The following RSPRY1 variants were observed in gnomAD, a reference collection of about 807,000 sequenced individuals.
The protein encoded by RSPRY1 is ring finger and SPRY domain containing 1, also known as RING finger and SPRY domain-containing protein 1.
RSPRY1 carries 23 observed loss-of-function variants against 73.1 expected under a neutral mutation model. The observed-to-expected ratio is 0.31, with a 90% confidence interval of 0.23 to 0.45. RSPRY1 has a LOEUF of 0.45. Ranked by LOEUF, RSPRY1 falls within the 20% of genes least tolerant of loss-of-function variation. The pLI is 1.00. For synonymous variants in RSPRY1, 226 were observed against 251.4 expected, an observed-to-expected ratio of 0.90 and a Z score of 0.95; for missense variants, 448 against 698.7, an observed-to-expected ratio of 0.64 and a Z score of 4.05.
chr16:57,221,168 G>A, intron 9 of RSPRY1, 104 bp from the exon 10 acceptor site: 1 of 1,394,428 alleles, frequency 7.2e-7, no homozygotes, highest in South Asian at 1.3e-5. Context: ...TAGTCCACCA[G>A]AAGTTTTAAT....
chr16:57,224,094 A>G (rs1365703612), intron 10 of RSPRY1, among the ~76,000 whole-genome samples: 1 of 152,228 alleles, frequency 6.6e-6, no homozygotes, highest in East Asian at 1.9e-4. Context: ...CCTCCAGATT[A>G]TGGAGAAGTT....
At chr16:57,230,168 A>G (rs1021969065) in intron 11 of RSPRY1, among the ~76,000 whole-genome samples, 24 of 150,952 alleles carry the variant, frequency 1.6e-4, no homozygotes, top group African/African-American at 5.8e-4. Flanking sequence ...CCACCACCAC[A>G]CCCAGCTAAT....
intron 1 of RSPRY1, among the ~76,000 whole-genome samples, chr16:57,195,518 A>G (rs559302076): frequency 2.0e-5 from 3 of 152,324 alleles, no homozygotes; most frequent in East Asian, 3.9e-4. Context: ...GTCTGAAAAA[A>G]TAAAAATAAA....
At chr16:57,210,551 G>T (rs891186995) in intron 4 of RSPRY1, among the ~76,000 whole-genome samples, 2 of 151,568 alleles carry the variant, frequency 1.3e-5, no homozygotes, top group East Asian at 3.9e-4. Context: ...AAAATACCCC[G>T]TCTCTACTAA....
chr16:57,214,235 G>A (rs957726541), intron 6 of RSPRY1, among the ~76,000 whole-genome samples: 10 of 152,168 alleles, frequency 6.6e-5, no homozygotes, highest in African/African-American at 2.4e-4. Flanking sequence ...CCTTGAGTTT[G>A]CCAAATGGTA....
At chr16:57,222,781 T>C (rs192211472) in intron 10 of RSPRY1, among the ~76,000 whole-genome samples, 1 of 152,306 alleles carries the variant, frequency 6.6e-6, no homozygotes, top group East Asian at 1.9e-4. Context: ...CTAGAAGTAA[T>C]AGGGGATTCT....
In RSPRY1 at chr16:57,240,363, A is replaced by ATAT. The variant is rs781143259; in HGVS notation, c.*1388_*1389insTAT. ...TCCACACACACACACACACACAAAA[A>ATAT]ATATATATATATATAAATATATATG... On this transcript the variant is annotated 3_prime_UTR_variant, in exon 15 of 15. Transcript: ENST00000394420. 61 of 150,454 alleles carry ATAT rather than the reference A, an allele frequency of 4.1e-4. No individual in the cohort carries two copies. The highest frequency in any genetic ancestry group is 1.1e-3 in the African/African-American group (46 of 41,146). The allele number at this position is 150,454 out of a possible 1,614,324, so 9.3% of individuals were successfully genotyped here. A position where few individuals can be genotyped will look rare whatever the true frequency, so the allele number is the denominator to read the frequency against.
At chr16:57,212,855 C>T (rs545188953) in intron 4 of RSPRY1, 117 bp from the exon 5 acceptor site, 41 of 1,008,690 alleles carry the variant, frequency 4.1e-5, no homozygotes, top group South Asian at 2.3e-4. Flanking sequence ...CCTTGTGGTC[C>T]GCCCGCCTCG....
Position 57,231,251 on chromosome 16 carries a change from A to G in RSPRY1, c.1461A>G (p.Pro487=), listed in dbSNP as rs749506219. ...NFGAKPFKYP[P]SMKFSTFNDY... Reference sequence around the variant, plus strand: ...GAGCAAAACCATTCAAATACCCACCATCTATGAAATTTAGCACTTTTAATG... The same window carrying G: ...GAGCAAAACCATTCAAATACCCACCGTCTATGAAATTTAGCACTTTTAATG... Residue 487 remains proline (P), a synonymous_variant, in exon 13 of 15, where the codon CCA becomes CCG. Transcript: ENST00000394420. The G allele has an allele frequency of 5.6e-6, 9 of 1,613,802 alleles. No homozygotes were observed. In the South Asian group the frequency reaches 6.6e-5, roughly 12 times the overall value.
chr16:57,214,311 C>T (rs2074899353), intron 6 of RSPRY1, among the ~76,000 whole-genome samples: 2 of 152,130 alleles, frequency 1.3e-5, no homozygotes, highest in South Asian at 2.1e-4. Flanking sequence ...AAGTCAGATT[C>T]CCAGTATATA....
chr16:57,212,086 AG>A (rs2074854337), intron 4 of RSPRY1, among the ~76,000 whole-genome samples: 1 of 152,090 alleles, frequency 6.6e-6, no homozygotes, highest in Non-Finnish European at 1.5e-5. Flanking sequence ...CTGAAGCAGG[AG>A]GATCACTTAA....
chr16:57,208,390 A>ATTTTTTTT (rs1265164232), intron 3 of RSPRY1, among the ~76,000 whole-genome samples: 1 of 88,760 alleles, frequency 1.1e-5, no homozygotes, highest in African/African-American at 5.4e-5. Context: ...ATATATATAT[A>ATTTTTTTT]TATATATATA....
At chr16:57,227,056 A>C (rs1251176586) in intron 10 of RSPRY1, among the ~76,000 whole-genome samples, 1 of 152,224 alleles carries the variant, frequency 6.6e-6, no homozygotes, top group Non-Finnish European at 1.5e-5. Flanking sequence ...GTCTGATGCC[A>C]CCAGCCTCAT....
Position 57,212,956 on chromosome 16 carries a change from T to C in RSPRY1, c.517-16T>C. 1 of 1,612,930 alleles carries C rather than the reference T, an allele frequency of 6.2e-7. No homozygotes were observed. The highest frequency in any genetic ancestry group is 8.5e-7 in the Non-Finnish European group (1 of 1,179,370). The stretch of plus-strand genomic sequence containing the variant: ...GTAGTATATGGGTCAAACCCACTTG[T>C]ACTTTTTTGTTTTAGGATGCACTCC... On this transcript the variant is annotated splice_polypyrimidine_tract_variant and intron_variant, in intron 4 of 14. Transcript: ENST00000394420.
chr16:57,218,767 G>A (rs1279974594), intron 8 of RSPRY1, among the ~76,000 whole-genome samples: 1 of 84,320 alleles, frequency 1.2e-5, no homozygotes, highest in African/African-American at 5.3e-5. Context: ...ACGGAGTCTC[G>A]CTCTGTCGCC....
intron 10 of RSPRY1, among the ~76,000 whole-genome samples, chr16:57,227,113 T>A (rs1309294928): frequency 1.3e-5 from 2 of 152,226 alleles, no homozygotes; most frequent in African/African-American, 4.8e-5. Context: ...TGAAAGTGCC[T>A]GAACAAAGGA....
intron 1 of RSPRY1, among the ~76,000 whole-genome samples, chr16:57,201,122 G>C (rs1331335092): frequency 6.6e-6 from 1 of 151,906 alleles, no homozygotes; most frequent in Non-Finnish European, 1.5e-5. Context: ...CTTCCCAGGC[G>C]GAGTGGCTGC....
At chr16:57,205,992 C>G (rs1432493490) in intron 2 of RSPRY1, among the ~76,000 whole-genome samples, 1 of 152,170 alleles carries the variant, frequency 6.6e-6, no homozygotes, top group Non-Finnish European at 1.5e-5. Context: ...AACCCAGTTT[C>G]GTTTAGTTCC....
intron 1 of RSPRY1, among the ~76,000 whole-genome samples, chr16:57,187,220 C>T (rs891467106): frequency 2.0e-5 from 3 of 152,144 alleles, no homozygotes; most frequent in Admixed American, 6.5e-5. Flanking sequence ...GGGCTTATTG[C>T]CCGAGTGGGG....
Sources: gnomAD v4.1 joint callset for allele counts (sites outside exome capture counted in the v4.1 genomes callset) on GRCh38, gnomAD v4.1.1 for gene constraint, MANE v1.5 for transcripts, NCBI Gene and HGNC (gene_info 2026-07-23, HGNC 2026-07-21) for gene names.